The following PRELID2 variants were observed in gnomAD, a reference collection of about 807,000 sequenced individuals.
PRELID2 encodes the protein PRELI domain-containing protein 2.
In PRELID2, 25 loss-of-function variants were observed where a neutral mutation model predicts 28.4. The observed-to-expected ratio is 0.88, with a 90% CI of 0.64 to 1.23. The LOEUF (loss-of-function observed/expected upper bound fraction) is 1.23. PRELID2 is among the 50% of genes most tolerant of loss of function. The pLI is 0.00. For synonymous variants in PRELID2, 76 were observed against 71.6 expected, an observed-to-expected ratio of 1.06 and a Z score of -0.31; for missense variants, 201 against 214.4, an observed-to-expected ratio of 0.94 and a Z score of 0.39.
chr5:145,647,342 C>T (rs1754215150), intron 1 of PRELID2, among the ~76,000 whole-genome samples: 1 of 152,154 alleles, frequency 6.6e-6, no homozygotes, highest in African/African-American at 2.4e-5. Context: ...CCTACTCAAG[C>T]CTCAGCAATG....
At chr5:145,653,138 T>TC (rs1215631700) in intron 1 of PRELID2, among the ~76,000 whole-genome samples, 3 of 151,808 alleles carry the variant, frequency 2.0e-5, no homozygotes, top group African/African-American at 7.3e-5. Context: ...CCAACAAAGA[T>TC]CAAAAGGACA....
chr5:145,584,661 G>A (rs529687151), intron 1 of PRELID2, among the ~76,000 whole-genome samples: 20 of 146,266 alleles, frequency 1.4e-4, no homozygotes, highest in African/African-American at 4.4e-4. Context: ...AGACATTCAC[G>A]CATTCAACAA....
chr5:145,546,690 C>T (rs142156614), intron 1 of PRELID2, among the ~76,000 whole-genome samples: 1,544 of 152,242 alleles, frequency 0.01, 22 homozygotes, highest in African/African-American at 0.029. Flanking sequence ...TTCTCTCCTG[C>T]CATGATTCCC....
intron 1 of PRELID2, among the ~76,000 whole-genome samples, chr5:145,490,813 T>C (rs370774631): frequency 6.3e-4 from 96 of 152,322 alleles, no homozygotes; most frequent in African/African-American, 2.3e-3. Context: ...CTGGTATTAT[T>C]TGACACGAAT....
At chr5:145,655,507 A>C (rs373757473) in intron 1 of PRELID2, among the ~76,000 whole-genome samples, 4 of 152,340 alleles carry the variant, frequency 2.6e-5, no homozygotes, top group East Asian at 1.9e-4. Flanking sequence ...CTATACTACA[A>C]GGCTACAGTA....
At chr5:145,482,352 G>A (rs1185983655) in intron 1 of PRELID2, among the ~76,000 whole-genome samples, 1 of 152,184 alleles carries the variant, frequency 6.6e-6, no homozygotes, top group African/African-American at 2.4e-5. Context: ...TGTGCTACAA[G>A]CTTTAAGGTG....
chr5:145,563,236 T>G (rs921588464), intron 1 of PRELID2, among the ~76,000 whole-genome samples: 53 of 152,196 alleles, frequency 3.5e-4, no homozygotes, highest in African/African-American at 1.3e-3. Context: ...GATTTCTAAT[T>G]CTTTGAATGA....
chr5:145,724,878 G>A (rs879896342), intron 1 of PRELID2, among the ~76,000 whole-genome samples: 5 of 150,620 alleles, frequency 3.3e-5, no homozygotes, highest in Admixed American at 6.7e-5. Context: ...GAGTAGCTGA[G>A]ACCACAGATG....
At chr5:145,522,087 A>G (rs377327947) in intron 1 of PRELID2, among the ~76,000 whole-genome samples, 55 of 152,328 alleles carry the variant, frequency 3.6e-4, no homozygotes, top group African/African-American at 1.3e-3. Context: ...TCCCATCAAA[A>G]GATAAAACTA....
chr5:145,787,488 A>G (rs1372130038), intron 5 of PRELID2, among the ~76,000 whole-genome samples: 2 of 152,122 alleles, frequency 1.3e-5, no homozygotes, highest in Non-Finnish European at 2.9e-5. Flanking sequence ...CCTAAATAGT[A>G]TGCCCAAAAT....
rs1437817273 is a variant in PRELID2 at position 145,702,061 on chromosome 5, A to AT, written n.70+62869_70+62870insA. Among the ~76,000 whole-genome samples, 28 of 142,022 alleles carry AT rather than the reference A, an allele frequency of 2.0e-4. No homozygotes were observed. The East Asian group carries it at 3.9e-3, about 20-fold the overall frequency. The allele number at this position is 142,022 out of a possible 152,430, so 93.2% of individuals were successfully genotyped here. ...CAAAACTCTGTCTCAGGAAAAAAAA[A>AT]AATATATATATACACACACACACAT... is the stretch of plus-strand genomic sequence containing the variant. On this transcript the variant is annotated intron_variant and non_coding_transcript_variant, in intron 1 of 2. Transcript: ENST00000510259.
At chr5:145,506,730 T>G (rs928179018) in intron 1 of PRELID2, among the ~76,000 whole-genome samples, 3 of 152,136 alleles carry the variant, frequency 2.0e-5, no homozygotes, top group South Asian at 2.1e-4. Flanking sequence ...ATAATCCTAT[T>G]AAGGACAATG....
At chr5:145,394,102 A>T in the PRELID2 span, among the ~76,000 whole-genome samples, 1 of 152,144 alleles carries the variant, frequency 6.6e-6, no homozygotes, top group Non-Finnish European at 1.5e-5. Flanking sequence ...AAGGATTATA[A>T]ATCATGCTGC....
chr5:145,646,295 C>G (rs542583802), intron 1 of PRELID2, among the ~76,000 whole-genome samples: 6 of 152,276 alleles, frequency 3.9e-5, no homozygotes, highest in East Asian at 3.9e-4. Flanking sequence ...TCTTCAATCT[C>G]TGATATCCTT....
chr5:145,720,489 G>A (rs933645549), intron 1 of PRELID2, among the ~76,000 whole-genome samples: 1 of 151,850 alleles, frequency 6.6e-6, no homozygotes, highest in Admixed American at 6.6e-5. Flanking sequence ...GTGAACCAAA[G>A]ATTTTATATT....
intron 1 of PRELID2, among the ~76,000 whole-genome samples, chr5:145,534,759 TAC>T: frequency 6.6e-6 from 1 of 151,996 alleles, no homozygotes; most frequent in African/African-American, 2.4e-5. Context: ...ACCAAGCTGA[TAC>T]GTATCACAGA....
At chr5:145,251,228 T>C in the PRELID2 span, among the ~76,000 whole-genome samples, 2 of 151,568 alleles carry the variant, frequency 1.3e-5, no homozygotes, top group African/African-American at 4.9e-5. Flanking sequence ...ATGGGAGGCA[T>C]ACTCCAGGCT....
chr5:145,738,353 T>C (rs376334594), intron 1 of PRELID2, among the ~76,000 whole-genome samples: 6 of 152,282 alleles, frequency 3.9e-5, no homozygotes, highest in South Asian at 4.1e-4. Flanking sequence ...AAGCAATGGA[T>C]GCCAACATTA....
the PRELID2 span, among the ~76,000 whole-genome samples, chr5:145,372,469 G>C: frequency 1.3e-5 from 2 of 151,960 alleles, no homozygotes; most frequent in Non-Finnish European, 2.9e-5. Flanking sequence ...CATTATTTTT[G>C]TGTGGGAGTC....
Sources: gnomAD v4.1 joint callset for allele counts (sites outside exome capture counted in the v4.1 genomes callset) on GRCh38, gnomAD v4.1.1 for gene constraint, MANE v1.5 for transcripts, NCBI Gene and HGNC (gene_info 2026-07-23, HGNC 2026-07-21) for gene names.